The following LYST variants were observed in gnomAD, a reference collection of about 807,000 sequenced individuals.
LYST encodes the protein lysosomal-trafficking regulator.
Under a neutral mutation model 413.6 loss-of-function variants are expected in LYST, and 192 were observed. The ratio of observed to expected loss-of-function variants is 0.46; its 90% CI spans 0.41 to 0.52. LYST has a LOEUF of 0.52. Among genes scored for constraint, LYST ranks in the 20% least tolerant of loss-of-function variants. The probability of loss-of-function intolerance (pLI) is 0.00; values close to 1 mark genes in which losing one functional copy is unlikely to be tolerated. For synonymous variants in LYST, 1,525 were observed against 1,567.3 expected (o/e 0.97, Z 0.64); for missense variants, 3,815 against 4,499.9 (o/e 0.85, Z 4.35).
chr1:235,813,099 C>A, intron 3 of LYST, 38 bp from the exon 4 acceptor site: 1 of 1,157,396 alleles, frequency 8.6e-7, no homozygotes, highest in Non-Finnish European at 1.3e-6. Context: ...TGTTCTAAGG[C>A]GATAAGACAC....
At chr1:235,823,868 T>C (rs1019645475) in intron 3 of LYST, among the ~76,000 whole-genome samples, 1 of 152,210 alleles carries the variant, frequency 6.6e-6, no homozygotes, top group African/African-American at 2.4e-5. Flanking sequence ...ATCATTTATT[T>C]ACCTATCTCT....
rs1251104014 is a variant in LYST, at chr1:235,661,615, C to A, written c.*1325G>T. ...AATTATATTTTATATGGTTTTTAAG[C>A]AGAATGTTTTAGAAAGTCTGGAAGT... On this transcript the variant is annotated 3_prime_UTR_variant, in exon 53 of 53. Transcript: ENST00000389793. 6.6e-6 allele frequency: 1 copy of A among 152,600 alleles called. No homozygotes were observed. The allele number at this position is 152,600 out of a possible 1,614,324, so 9.5% of individuals were successfully genotyped here.
At chr1:235,697,665 C>A (rs763232848) in intron 45 of LYST, among the ~76,000 whole-genome samples, 2 of 152,046 alleles carry the variant, frequency 1.3e-5, no homozygotes, top group Non-Finnish European at 2.9e-5. Flanking sequence ...AAATCAAGAC[C>A]ACATGTAGCA....
At chr1:235,856,940 A>ATTTTT (rs59484092) in intron 1 of LYST, among the ~76,000 whole-genome samples, 1 of 121,774 alleles carries the variant, frequency 8.2e-6, no homozygotes, top group Non-Finnish European at 1.6e-5. Flanking sequence ...GGATATACTG[A>ATTTTT]TTTTTTTTTT....
intron 31 of LYST, chr1:235,736,377 A>C (rs1664816504): frequency 2.0e-5 from 3 of 152,266 alleles, no homozygotes. Flanking sequence ...GAAGGTATAG[A>C]GTGATCTGGG....
At chr1:235,717,754 A>G (rs898604808) in intron 40 of LYST, among the ~76,000 whole-genome samples, 1 of 152,034 alleles carries the variant, frequency 6.6e-6, no homozygotes, top group Non-Finnish European at 1.5e-5. Context: ...TGTTGAAATT[A>G]GTTGTATTAA....
Position 235,800,340 on chromosome 1 carries a change from T to C in LYST, c.3986A>G (p.Gln1329Arg). The C allele has an allele frequency of 6.3e-7, 1 of 1,589,694 alleles. No individual in the cohort carries two copies. Among genetic ancestry groups the C allele is most frequent in the Non-Finnish European group, 8.6e-7 (1 of 1,158,042 alleles). The change falls in exon 10 of 53, where the codon CAG becomes CGG. Residue 1329 changes from glutamine (Q) to arginine (R), a missense_variant. Coordinates refer to ENST00000389793, the MANE Select transcript of LYST (RefSeq NM_000081.4). ...CTTACCTTGAAAATCAGAATCATCC[T>C]GTGTTAAAATACTCAAGAACCCTCC... ...LLGGFLSILTQDDSDFQACQR... is the reference protein window; with the variant it reads ...LLGGFLSILTRDDSDFQACQR...
At chr1:235,746,280 T>C in intron 29 of LYST, 56 bp downstream of exon 29, 1 of 1,501,134 alleles carries the variant, frequency 6.7e-7, no homozygotes, top group Non-Finnish European at 9.3e-7. Flanking sequence ...TCCTCTTAGA[T>C]TACTTCTCTT....
At chr1:235,684,650 C>A (rs1193486979) in intron 48 of LYST, among the ~76,000 whole-genome samples, 1 of 152,200 alleles carries the variant, frequency 6.6e-6, no homozygotes, top group Non-Finnish European at 1.5e-5. Context: ...AGGTCTCACT[C>A]TGCCGCCCAG....
intron 42 of LYST, chr1:235,712,876 T>C: frequency 1.0e-6 from 1 of 985,314 alleles, no homozygotes; most frequent in African/African-American, 1.7e-5. Flanking sequence ...CTGCCAACAA[T>C]GATCAGACTT....
At chr1:235,822,887 C>T (rs1674913151) in intron 3 of LYST, among the ~76,000 whole-genome samples, 1 of 152,144 alleles carries the variant, frequency 6.6e-6, no homozygotes, top group African/African-American at 2.4e-5. Context: ...GATGAGAAGC[C>T]ATGTGGATGA....
rs1375678536 is a variant in LYST at position 235,664,913 on chromosome 1, C to T, written c.11039-292G>A. 6.6e-6 allele frequency among the ~76,000 whole-genome samples: 1 copy of T among 152,152 alleles called. No individual in the cohort carries two copies. Among genetic ancestry groups the T allele is most frequent in the Admixed American group, 6.5e-5 (1 of 15,276 alleles). Reference sequence around the variant, plus strand: ...AATTCAAGAGATTCTTCTGCCTCAGCCTTCTAAGTTGCTGGGACAACAGGT... The same window carrying T: ...AATTCAAGAGATTCTTCTGCCTCAGTCTTCTAAGTTGCTGGGACAACAGGT... On this transcript the variant is annotated intron_variant, in intron 50 of 52. Coordinates refer to ENST00000389793, the MANE Select transcript of LYST (RefSeq NM_000081.4). The surrounding 1 kb of genome is among the most constrained non-coding windows in gnomAD (Gnocchi z 4.5).
chr1:235,730,588 TGTGTGTGTGTGTGTGTG>T (rs1664294034), intron 36 of LYST, among the ~76,000 whole-genome samples: 1 of 121,132 alleles, frequency 8.3e-6, no homozygotes, highest in African/African-American at 3.4e-5. Context: ...TGTGTGTGTG[TGTGTGTGTGTGTGTGTG>T]TGTGTGTGTA....
chr1:235,741,697 C>A, intron 30 of LYST, 69 bp from the exon 31 acceptor site: 1 of 1,130,828 alleles, frequency 8.8e-7, no homozygotes, highest in Non-Finnish European at 1.3e-6. Context: ...AGCCTCAACA[C>A]AGCCCTAAAG....
intron 1 of LYST, among the ~76,000 whole-genome samples, chr1:235,882,046 ACACT>A (rs764594333): frequency 6.7e-6 from 1 of 149,420 alleles, no homozygotes; most frequent in Non-Finnish European, 1.5e-5. Context: ...TTAAACACAC[ACACT>A]CACACATACA....
At chr1:235,834,247 T>C (rs1160413399) in intron 1 of LYST, among the ~76,000 whole-genome samples, 1 of 152,202 alleles carries the variant, frequency 6.6e-6, no homozygotes, top group Non-Finnish European at 1.5e-5. Context: ...ATTTCTGGGA[T>C]AGCAACAGGA....
intron 1 of LYST, among the ~76,000 whole-genome samples, chr1:235,862,848 C>CACACAA (rs36022107): frequency 1.4e-5 from 2 of 146,394 alleles, no homozygotes; most frequent in African/African-American, 5.2e-5. Flanking sequence ...CACACACACA[C>CACACAA]CCCTTCAAGA....
At chr1:235,837,480 T>C (rs1006930105) in intron 1 of LYST, among the ~76,000 whole-genome samples, 1 of 151,754 alleles carries the variant, frequency 6.6e-6, no homozygotes, top group African/African-American at 2.4e-5. Context: ...ATACAAAAAT[T>C]AGCCGGCATG....
intron 1 of LYST, among the ~76,000 whole-genome samples, chr1:235,876,443 A>C (rs954539996): frequency 1.2e-4 from 18 of 152,230 alleles, no homozygotes; most frequent in African/African-American, 4.3e-4. Context: ...TGTGTTCCCA[A>C]GTAACCAAGG....
Sources: allele counts gnomAD v4.1 joint callset (sites outside exome capture counted in the v4.1 genomes callset), GRCh38; gene constraint gnomAD v4.1.1; non-coding constraint Gnocchi (gnomAD v3.1); transcripts MANE v1.5; gene names NCBI Gene and HGNC (gene_info 2026-07-23, HGNC 2026-07-21).